The following TARS3 variants were observed in gnomAD, a reference collection of about 807,000 sequenced individuals.
TARS3 encodes the protein threonyl-tRNA synthetase 3, also known as threonine--tRNA ligase 2, cytoplasmic.
In TARS3, 94 loss-of-function variants were observed where a neutral mutation model predicts 103.5. The ratio of observed to expected loss-of-function variants is 0.91; its 90% CI spans 0.77 to 1.08. The LOEUF (loss-of-function observed/expected upper bound fraction) is 1.08. Among genes scored for constraint, TARS3 ranks in the 50% least tolerant of loss-of-function variants. The pLI, the probability that TARS3 is intolerant of heterozygous loss-of-function variation, is 0.00. For synonymous variants in TARS3, 416 were observed against 355.4 expected, an observed-to-expected ratio of 1.17 and a Z score of -1.92; for missense variants, 952 against 995.2, an observed-to-expected ratio of 0.96 and a Z score of 0.58.
chr15:101,722,251 C>T (rs191926819), intron 2 of TARS3, among the ~76,000 whole-genome samples: 20 of 150,466 alleles, frequency 1.3e-4, no homozygotes, highest in Admixed American at 1.2e-3. Context: ...GACAGCCCCA[C>T]GCCCAGCCCC....
intron 10 of TARS3, among the ~76,000 whole-genome samples, chr15:101,697,862 G>A (rs1899056208): frequency 6.6e-6 from 1 of 152,176 alleles, no homozygotes; most frequent in Non-Finnish European, 1.5e-5. Flanking sequence ...AGGCAAAGAA[G>A]GATCGGTGTC....
chr15:101,675,803 ATTC>A, intron 12 of TARS3, 66 bp from the exon 13 acceptor site: 1 of 1,500,816 alleles, frequency 6.7e-7, no homozygotes, highest in Non-Finnish European at 9.1e-7. Flanking sequence ...AAAAAATACA[ATTC>A]TTCATGTCAG....
At chr15:101,686,160 G>T in intron 10 of TARS3, 98 bp from the exon 11 acceptor site, 1 of 1,113,380 alleles carries the variant, frequency 9.0e-7, no homozygotes, top group Non-Finnish European at 1.3e-6. Context: ...TTGGGCTCAT[G>T]TCCTATATTA....
chr15:101,661,937 ATTTG>A, intron 15 of TARS3, 121 bp from the exon 16 acceptor site: 1 of 529,724 alleles, frequency 1.9e-6, no homozygotes, highest in Non-Finnish European at 3.1e-6. Context: ...CATTAACCTT[ATTTG>A]TTCTGTGACT....
chr15:101,672,223 G>A (rs551700843), intron 13 of TARS3, among the ~76,000 whole-genome samples: 6 of 152,278 alleles, frequency 3.9e-5, no homozygotes, highest in South Asian at 2.1e-4. Flanking sequence ...ACCTCTGCAC[G>A]TGTCTGGGAG....
chr15:101,659,855 G>A (rs1287654942), intron 16 of TARS3, among the ~76,000 whole-genome samples: 1 of 152,162 alleles, frequency 6.6e-6, no homozygotes, highest in East Asian at 1.9e-4. Context: ...AAAATATCAG[G>A]AATATACACA....
chr15:101,659,185 T>G (rs1238233517), intron 16 of TARS3, among the ~76,000 whole-genome samples: 1 of 152,222 alleles, frequency 6.6e-6, no homozygotes, highest in Non-Finnish European at 1.5e-5. Context: ...GTATAAACAG[T>G]GTCCGCTGTG....
chr15:101,714,220 G>C (rs574395161), intron 4 of TARS3, among the ~76,000 whole-genome samples: 1 of 151,988 alleles, frequency 6.6e-6, no homozygotes, highest in African/African-American at 2.4e-5. Flanking sequence ...TTATAAAGTA[G>C]ACCCATTTTT....
rs1418177488 is a variant in TARS3, at chr15:101,724,383, G to A, written c.5C>T (p.Ala2Val). 4.7e-6 allele frequency: 7 copies of A among 1,493,762 alleles called. No homozygotes were observed. Among genetic ancestry groups the A allele is most frequent in the Non-Finnish European group, 5.3e-6 (6 of 1,127,688 alleles). 92.5% of individuals were successfully genotyped at this position (1,493,762 alleles called of 1,614,324 possible). The change falls in exon 1 of 19, where the codon GCG (alanine) becomes GTG (valine). Residue 2 changes from alanine (A) to valine (V), a missense_variant. Ala to Val is a moderately conservative substitution (Grantham distance 64, BLOSUM62 0). This residue lies in a region of TARS3 where 412 missense variants were observed against 364.2 expected (regional missense o/e 1.13). Coordinates refer to ENST00000335968, the MANE Select transcript of TARS3 (RefSeq NM_152334.3). MAAEALAAEAVA... is the reference protein window; with the variant it reads MVAEALAAEAVA... ...GGCCTCCGCCGCCAGGGCCTCGGCC[G>A]CCATCGCGGCCTCCCTCAGGCACCG...
chr15:101,681,396 T>C (rs1239255810), intron 12 of TARS3, among the ~76,000 whole-genome samples: 3 of 152,342 alleles, frequency 2.0e-5, no homozygotes, highest in South Asian at 2.1e-4. Context: ...TATTTAGTCT[T>C]CCAAACCACG....
At chr15:101,704,662 T>TAAA (rs558123891) in intron 7 of TARS3, among the ~76,000 whole-genome samples, 30 of 93,112 alleles carry the variant, frequency 3.2e-4, no homozygotes, top group Non-Finnish European at 5.6e-4. Flanking sequence ...CTCAAAAAAT[T>TAAA]AAAAAAAAAA....
Position 101,724,453 on chromosome 15 carries a change from A to C in TARS3, c.-66T>G. 2.2e-6 allele frequency: 3 copies of C among 1,351,462 alleles called. No individual in the cohort carries two copies. The highest frequency in any genetic ancestry group is 1.9e-6 in the Non-Finnish European group (2 of 1,059,352). The allele number at this position is 1,351,462 out of a possible 1,614,324, so 83.7% of individuals were successfully genotyped here. A position where few individuals can be genotyped will look rare whatever the true frequency, so the allele number is the denominator to read the frequency against. On this transcript the variant is annotated 5_prime_UTR_variant, in exon 1 of 19. Coordinates refer to ENST00000335968, the MANE Select transcript of TARS3 (RefSeq NM_152334.3). ...CGACTGCGGCGAGGGCGACGCGGACACTCAGCGCACGGCAGAAGACAGGGC... is the reference window on the plus strand; with the variant it reads ...CGACTGCGGCGAGGGCGACGCGGACCCTCAGCGCACGGCAGAAGACAGGGC...
rs141723585 is a variant in TARS3, at chr15:101,710,079, T to A, written c.813-1169A>T. On this transcript the variant is annotated intron_variant, in intron 5 of 18. Transcript: ENST00000335968. Reference sequence around the variant, plus strand: ...AAAGGAGAGGGGCTAGAGATTGGGTTATCACCAAAGGTCAATGATTTAATC... The same window carrying A: ...AAAGGAGAGGGGCTAGAGATTGGGTAATCACCAAAGGTCAATGATTTAATC... Among the ~76,000 whole-genome samples, 492 of 152,350 alleles carry A rather than the reference T, an allele frequency of 3.2e-3. 4 individuals are homozygous for A. Among genetic ancestry groups the A allele is most frequent in the African/African-American group, 0.011 (461 of 41,586 alleles).
intron 10 of TARS3, among the ~76,000 whole-genome samples, chr15:101,693,519 T>C (rs532309742): frequency 2.0e-5 from 3 of 152,132 alleles, no homozygotes; most frequent in Non-Finnish European, 4.4e-5. Flanking sequence ...AGCCAAACCA[T>C]ATCACCATAT....
At position 101,657,867 on chromosome 15, in the gene TARS3, A is replaced by G; in HGVS notation, c.2073-10T>C. 6.6e-7 allele frequency: 1 copy of G among 1,518,738 alleles called. No individual in the cohort carries two copies. The highest frequency in any genetic ancestry group is 9.0e-7 in the Non-Finnish European group (1 of 1,112,700). 94.1% of individuals were successfully genotyped at this position (1,518,738 alleles called of 1,614,324 possible). A position where few individuals can be genotyped will look rare whatever the true frequency, so the allele number is the denominator to read the frequency against. On this transcript the variant is annotated splice_polypyrimidine_tract_variant and intron_variant, in intron 16 of 18. Transcript: ENST00000335968. ...AGATAGCCAGAAAGGCCTGAAAAATATATATAAAATATGTATTTTCAAAGT... is the reference window on the plus strand; with the variant it reads ...AGATAGCCAGAAAGGCCTGAAAAATGTATATAAAATATGTATTTTCAAAGT...
chr15:101,708,017 G>T lies in TARS3; in HGVS notation c.930+776C>A, dbSNP rs190700259. On this transcript the variant is annotated intron_variant, in intron 6 of 18. Transcript: ENST00000335968. ...CCAGCACTTTAGGAGGCTGAGGGGG[G>T]TAGATCACTTGAGGTCAGGAATTCA... 2.4e-3 allele frequency among the ~76,000 whole-genome samples: 369 copies of T among 152,122 alleles called. 2 individuals are homozygous for T. The highest frequency in any genetic ancestry group is 8.4e-3 in the African/African-American group (347 of 41,518).
intron 11 of TARS3, 40 bp downstream of exon 11, chr15:101,685,856 G>T (rs1170251274): frequency 6.5e-7 from 1 of 1,539,648 alleles, no homozygotes; most frequent in Non-Finnish European, 8.9e-7. Flanking sequence ...AGCGTGCTAT[G>T]TGCTCTCATG....
intron 12 of TARS3, among the ~76,000 whole-genome samples, chr15:101,679,879 C>G (rs150803113): frequency 6.6e-6 from 1 of 152,312 alleles, no homozygotes; most frequent in Non-Finnish European, 1.5e-5. Context: ...CTCCTCGTTA[C>G]TTCTGGGTTG....
At chr15:101,675,243 T>G (rs1320867073) in intron 13 of TARS3, among the ~76,000 whole-genome samples, 1 of 152,170 alleles carries the variant, frequency 6.6e-6, no homozygotes, top group East Asian at 1.9e-4. Context: ...GCCCTGGGAC[T>G]CTACAGTCGG....
Sources: gnomAD v4.1 joint callset for allele counts (sites outside exome capture counted in the v4.1 genomes callset) on GRCh38, gnomAD v4.1.1 for gene constraint, gnomAD v4.1.1 regional missense constraint, MANE v1.5 for transcripts, NCBI Gene and HGNC (gene_info 2026-07-23, HGNC 2026-07-21) for gene names.